IL23R: variants seen among roughly 807,000 people sequenced by gnomAD.
IL23R encodes the protein interleukin-23 receptor.
IL23R carries 34 observed loss-of-function variants against 56.9 expected under a neutral mutation model. The observed-to-expected ratio is 0.60, with a 90% CI of 0.45 to 0.80. The LOEUF is 0.80. IL23R is among the 30% of genes least tolerant of loss of function. IL23R has a pLI of 0.00. For missense variants in IL23R, 635 were observed against 730.0 expected, an observed-to-expected ratio of 0.87 and a Z score of 1.50; for synonymous variants, 230 against 249.2, an observed-to-expected ratio of 0.92 and a Z score of 0.73.
At chr1:67,244,966 T>G (rs941663507) in intron 9 of IL23R, among the ~76,000 whole-genome samples, 6 of 152,350 alleles carry the variant, frequency 3.9e-5, no homozygotes, top group South Asian at 2.1e-4. Context: ...TTTCCATTTG[T>G]TTGTGTCCTC....
chr1:67,209,128 T>C (rs1258836878), intron 6 of IL23R, among the ~76,000 whole-genome samples: 1 of 152,220 alleles, frequency 6.6e-6, no homozygotes, highest in Non-Finnish European at 1.5e-5. Flanking sequence ...CTGTATTACC[T>C]AATACCTGTA....
intron 3 of IL23R, among the ~76,000 whole-genome samples, chr1:67,181,181 G>A (rs563204965): frequency 6.6e-6 from 1 of 152,234 alleles, no homozygotes; most frequent in Middle Eastern, 3.4e-3. Flanking sequence ...TGCTAGATTT[G>A]GGAAGTTCTC....
At chr1:67,196,238 T>C (rs1181549795) in intron 4 of IL23R, 2 of 152,216 alleles carry the variant, frequency 1.3e-5, no homozygotes, top group African/African-American at 4.8e-5. Context: ...AGTATTTCCA[T>C]TTGATACAAA....
chr1:67,204,407 A>G (rs1056032494), intron 5 of IL23R, among the ~76,000 whole-genome samples: 2 of 152,336 alleles, frequency 1.3e-5, no homozygotes, highest in African/African-American at 4.8e-5. Context: ...AGTCTTGTGT[A>G]ACAAACTAAA....
intron 1 of IL23R, among the ~76,000 whole-genome samples, chr1:67,150,652 T>TTA (rs747717238): frequency 3.1e-5 from 3 of 95,886 alleles, no homozygotes; most frequent in African/African-American, 1.2e-4. Flanking sequence ...GAACTTAAAG[T>TTA]AAAAAAAAAA....
intron 1 of IL23R, among the ~76,000 whole-genome samples, chr1:67,154,891 C>A: frequency 6.6e-6 from 1 of 152,076 alleles, no homozygotes. Flanking sequence ...TGTCATTGGT[C>A]TTTATATTTT....
intron 6 of IL23R, among the ~76,000 whole-genome samples, chr1:67,208,597 C>T (rs901586822): frequency 6.6e-6 from 1 of 152,202 alleles, no homozygotes; most frequent in East Asian, 1.9e-4. Flanking sequence ...TGGTGTTGAG[C>T]CTGCGGGTAC....
intron 3 of IL23R, among the ~76,000 whole-genome samples, chr1:67,181,424 T>A (rs920804453): frequency 9.9e-5 from 15 of 152,208 alleles, no homozygotes; most frequent in Non-Finnish European, 1.8e-4. Context: ...GTTGATCGAA[T>A]TGGCTGCTGA....
In IL23R at chr1:67,259,519, G is replaced by A. The variant is rs113768882; in HGVS notation, c.*391G>A. 5.0e-3 allele frequency: 1,254 copies of A among 252,894 alleles called. 7 individuals carry two copies. Among genetic ancestry groups the A allele is most frequent in the Middle Eastern group, 0.011 (7 of 666 alleles). 15.7% of individuals were successfully genotyped at this position (252,894 alleles called of 1,614,324 possible). A position where few individuals can be genotyped will look rare whatever the true frequency, so the allele number is the denominator to read the frequency against. On this transcript the variant is annotated 3_prime_UTR_variant, in exon 11 of 11. Coordinates refer to ENST00000347310, the MANE Select transcript of IL23R (RefSeq NM_144701.3). The stretch of plus-strand genomic sequence containing the variant: ...CATACAGGCACAAAAACAGCATTAT[G>A]TGGACGCCTCATGTATTTTTTATAG...
At chr1:67,178,490 G>T (rs6660812) in intron 3 of IL23R, among the ~76,000 whole-genome samples, 1 of 151,982 alleles carries the variant, frequency 6.6e-6, no homozygotes, top group African/African-American at 2.4e-5. Context: ...CTTTGCTAAA[G>T]TTGCCTATCA....
intron 1 of IL23R, among the ~76,000 whole-genome samples, chr1:67,149,848 C>T (rs1270009988): frequency 5.3e-5 from 8 of 152,112 alleles, no homozygotes; most frequent in Admixed American, 5.2e-4. Flanking sequence ...AGGTTAAGGT[C>T]TATTTTAGTC....
At chr1:67,206,113 AGCGATCCTCCT>A (rs1463736311) in intron 5 of IL23R, among the ~76,000 whole-genome samples, 2 of 151,662 alleles carry the variant, frequency 1.3e-5, no homozygotes, top group Admixed American at 6.6e-5. Flanking sequence ...CCCGGGTTCA[AGCGATCCTCCT>A]GCCTCAGCCT....
chr1:67,235,403 T>C (rs901203501), intron 7 of IL23R, among the ~76,000 whole-genome samples: 4 of 151,890 alleles, frequency 2.6e-5, no homozygotes, highest in Admixed American at 6.5e-5. Context: ...TTTCTTTTTT[T>C]TTTTTTGTGA....
chr1:67,223,938 T>G (rs1404025886), intron 7 of IL23R, among the ~76,000 whole-genome samples: 3 of 152,226 alleles, frequency 2.0e-5, no homozygotes, highest in Admixed American at 1.3e-4. Context: ...GTTAAGCACC[T>G]TTTAAGATGC....
chr1:67,173,575 G>T (rs1646970863), intron 3 of IL23R, among the ~76,000 whole-genome samples: 2 of 152,102 alleles, frequency 1.3e-5, no homozygotes, highest in African/African-American at 4.8e-5. Flanking sequence ...CCTACTTGGA[G>T]CCCAGTTTCT....
intron 1 of IL23R, among the ~76,000 whole-genome samples, chr1:67,141,714 C>G (rs1339824934): frequency 6.6e-6 from 1 of 152,114 alleles, no homozygotes; most frequent in South Asian, 2.1e-4. Flanking sequence ...GCTGAGATCA[C>G]GCCACTGCAC....
intron 5 of IL23R, among the ~76,000 whole-genome samples, chr1:67,205,889 T>A (rs1648977739): frequency 8.9e-6 from 1 of 111,784 alleles, no homozygotes; most frequent in South Asian, 2.8e-4. Context: ...CTTTCTTTCT[T>A]TCTTTCTTTC....
chr1:67,239,159 G>T (rs572485405), intron 8 of IL23R, among the ~76,000 whole-genome samples: 9 of 152,224 alleles, frequency 5.9e-5, no homozygotes, highest in Non-Finnish European at 1.3e-4. Context: ...GAGAAAGCAT[G>T]ATGAGCCTGG....
At chr1:67,167,362 C>T (rs934051041) in intron 1 of IL23R, among the ~76,000 whole-genome samples, 6 of 152,224 alleles carry the variant, frequency 3.9e-5, no homozygotes, top group Admixed American at 6.5e-5. Flanking sequence ...TGAGCCACCA[C>T]GCCTCCCCAG....
Sources: allele counts gnomAD v4.1 joint callset (sites outside exome capture counted in the v4.1 genomes callset), GRCh38; gene constraint gnomAD v4.1.1; transcripts MANE v1.5; gene names NCBI Gene and HGNC (gene_info 2026-07-23, HGNC 2026-07-21).